CSMD1: variants seen among roughly 807,000 people sequenced by gnomAD.
CSMD1 encodes CUB and Sushi multiple domains 1.
A neutral mutation model predicts 417.5 loss-of-function variants in CSMD1; 213 were observed. That is an observed-to-expected ratio of 0.51 (90% CI 0.46 to 0.57). The LOEUF is 0.57. Ranked by LOEUF, CSMD1 falls within the 20% of genes least tolerant of loss-of-function variation. The pLI is 0.00. For missense variants in CSMD1, 6,923 were observed against 4,529.7 expected (o/e 1.53, Z -15.17); for synonymous variants, 2,862 against 1,736.8 (o/e 1.65, Z -16.11).
At chr8:4,210,708 G>A (rs777287729) in intron 3 of CSMD1, among the ~76,000 whole-genome samples, 6 of 152,024 alleles carry the variant, frequency 3.9e-5, no homozygotes, top group East Asian at 3.8e-4. Flanking sequence ...TCATTTAATT[G>A]TAATGTTAAA....
At chr8:4,164,966 T>G (rs915173543) in intron 3 of CSMD1, among the ~76,000 whole-genome samples, 1 of 152,114 alleles carries the variant, frequency 6.6e-6, no homozygotes, top group South Asian at 2.1e-4. Context: ...AACTGAGCAG[T>G]AGGAATTTTT....
Position 3,409,506 on chromosome 8 carries a change from G to C in CSMD1, c.1661C>G (p.Pro554Arg), listed in dbSNP as rs751633495. ...LHGDTLTFEC[P>R]AAFELVGERV... is the part of the protein sequence containing the mutation. ...CTCCCCCACCAGCTCAAAGGCCGCCGGGCATTCAAAGGTGAGTGTATCTCC... is the reference window on the plus strand; with the variant it reads ...CTCCCCCACCAGCTCAAAGGCCGCCCGGCATTCAAAGGTGAGTGTATCTCC... Residue 554 changes from proline to arginine, a missense_variant, in exon 13 of 70, where the codon CCG becomes CGG. Transcript: ENST00000635120. The C allele has an allele frequency of 2.5e-6, 4 of 1,611,020 alleles. No homozygotes were observed. Among genetic ancestry groups the C allele is most frequent in the East Asian group, 2.2e-5 (1 of 44,732 alleles).
chr8:3,077,916 TC>T (rs1338672176), intron 49 of CSMD1, among the ~76,000 whole-genome samples: 1 of 152,274 alleles, frequency 6.6e-6, no homozygotes, highest in East Asian at 1.9e-4. Flanking sequence ...GCTGTCATTT[TC>T]AAAGTTCCTC....
chr8:4,653,402 T>C (rs1004406609), intron 1 of CSMD1, among the ~76,000 whole-genome samples: 6 of 152,108 alleles, frequency 3.9e-5, no homozygotes, highest in Non-Finnish European at 7.3e-5. Context: ...TACTAAAAAT[T>C]CTGGTAATTG....
intron 10 of CSMD1, among the ~76,000 whole-genome samples, chr8:3,558,236 A>C (rs1268937801): frequency 6.7e-6 from 1 of 149,184 alleles, no homozygotes; most frequent in Admixed American, 6.7e-5. Flanking sequence ...TCCAATGACA[A>C]ATAGTGCCTC....
rs77358174 is a variant in CSMD1 at position 3,715,535 on chromosome 8, C to A, written c.932-7044G>T. ...TTACAAACTAAGACAAAGCAAGCAA[C>A]CTTTTTTATTTAGTTTTAGCTTTTT... On this transcript the variant is annotated intron_variant, in intron 6 of 69. Coordinates refer to ENST00000635120, the MANE Select transcript of CSMD1 (RefSeq NM_033225.6). 3.9e-3 allele frequency among the ~76,000 whole-genome samples: 595 copies of A among 152,154 alleles called. 7 individuals carry two copies. Among genetic ancestry groups the A allele is most frequent in the African/African-American group, 0.013 (558 of 41,522 alleles).
Position 3,492,328 on chromosome 8 carries a change from C to G in CSMD1, c.1448+1295G>C, listed in dbSNP as rs75367368. On this transcript the variant is annotated intron_variant, in intron 11 of 69. Transcript: ENST00000635120. ...CTCCTCAGAAGCCGCCCATGGCTCC[C>G]CATGGGTGTCTCACATAGGGCAGAC... Among the ~76,000 whole-genome samples, 92 of 152,258 alleles carry G rather than the reference C, an allele frequency of 6.0e-4. No individual in the cohort carries two copies. The East Asian group carries it at 0.016, about 26-fold the overall frequency.
At chr8:3,356,456 C>T (rs1808797776) in intron 21 of CSMD1, among the ~76,000 whole-genome samples, 1 of 152,190 alleles carries the variant, frequency 6.6e-6, no homozygotes, top group Non-Finnish European at 1.5e-5. Context: ...GCGGGCACAT[C>T]ACATGGTCAG....
rs535036909 is a variant in CSMD1 at position 3,429,125 on chromosome 8, A to G, written c.1562-19520T>C. Among the ~76,000 whole-genome samples, 3 of 152,300 alleles carry G rather than the reference A, an allele frequency of 2.0e-5. No homozygotes were observed. In the South Asian group the frequency reaches 6.2e-4, roughly 32 times the overall value. ...AAGTTCTTGTGTGCTATTGTACAGA[A>G]GGGTGATTACACTTAACAATATTGC... On this transcript the variant is annotated intron_variant, in intron 12 of 69. Transcript: ENST00000635120.
intron 1 of CSMD1, among the ~76,000 whole-genome samples, chr8:4,658,622 A>G (rs1357749165): frequency 2.0e-5 from 3 of 152,182 alleles, no homozygotes; most frequent in Admixed American, 1.3e-4. Context: ...CGGAGTATCC[A>G]CAATGAAATA....
At chr8:3,221,928 C>T (rs1798239329) in intron 28 of CSMD1, among the ~76,000 whole-genome samples, 1 of 152,054 alleles carries the variant, frequency 6.6e-6, no homozygotes, top group African/African-American at 2.4e-5. Flanking sequence ...CCTGAATTTG[C>T]CATCATCCTG....
At chr8:4,493,418 G>A (rs1801818868) in intron 2 of CSMD1, among the ~76,000 whole-genome samples, 2 of 152,086 alleles carry the variant, frequency 1.3e-5, no homozygotes, top group South Asian at 2.1e-4. Flanking sequence ...ACTGATGGTC[G>A]GGACTGGTGG....
chr8:4,121,567 T>C (rs1025500747), intron 3 of CSMD1, among the ~76,000 whole-genome samples: 1 of 147,706 alleles, frequency 6.8e-6, no homozygotes, highest in Admixed American at 6.8e-5. Flanking sequence ...ATGTAATCAA[T>C]CTTTTATTTT....
At chr8:4,161,535 T>A (rs1584935007) in intron 3 of CSMD1, among the ~76,000 whole-genome samples, 1 of 152,212 alleles carries the variant, frequency 6.6e-6, no homozygotes, top group African/African-American at 2.4e-5. Context: ...CAAAGTCCAC[T>A]GTGCACCTCC....
chr8:4,965,306 G>A (rs949783227), intron 1 of CSMD1, among the ~76,000 whole-genome samples: 11 of 152,180 alleles, frequency 7.2e-5, no homozygotes, highest in Non-Finnish European at 1.0e-4. Context: ...AGGCATAGTT[G>A]CAAATGCTTT....
At chr8:3,631,549 G>T (rs1038626026) in intron 7 of CSMD1, among the ~76,000 whole-genome samples, 6 of 152,184 alleles carry the variant, frequency 3.9e-5, no homozygotes, top group Non-Finnish European at 1.5e-5. Context: ...AAATAGAAAG[G>T]TTTGCAAACA....
intron 1 of CSMD1, among the ~76,000 whole-genome samples, chr8:4,647,124 A>C (rs2130883723): frequency 6.6e-6 from 1 of 152,330 alleles, no homozygotes; most frequent in Admixed American, 6.5e-5. Flanking sequence ...CCAACAAGTC[A>C]AATTTAAATG....
At chr8:4,341,953 C>G (rs961156347) in intron 3 of CSMD1, among the ~76,000 whole-genome samples, 17 of 152,096 alleles carry the variant, frequency 1.1e-4, no homozygotes, top group Admixed American at 3.9e-4. Context: ...TGGACTGACA[C>G]ATATTACCCT....
chr8:3,031,105 C>T (rs777001275), intron 50 of CSMD1, among the ~76,000 whole-genome samples: 2 of 151,930 alleles, frequency 1.3e-5, no homozygotes, highest in Admixed American at 6.6e-5. Context: ...AATACTCTTA[C>T]AATTTCTAGC....
Sources: gnomAD v4.1 joint callset for allele counts (sites outside exome capture counted in the v4.1 genomes callset) on GRCh38, gnomAD v4.1.1 for gene constraint, MANE v1.5 for transcripts, NCBI Gene and HGNC (gene_info 2026-07-23, HGNC 2026-07-21) for gene names.